N4BP2: variants seen among roughly 807,000 people sequenced by gnomAD.
N4BP2 encodes the protein NEDD4 binding protein 2.
Under a neutral mutation model 152.8 loss-of-function variants are expected in N4BP2, and 91 were observed. That is an observed-to-expected ratio of 0.60 (90% CI 0.50 to 0.71). N4BP2 has a LOEUF of 0.71. Among genes scored for constraint, N4BP2 ranks in the 30% least tolerant of loss-of-function variants. The probability of loss-of-function intolerance (pLI) is 0.00; values close to 1 mark genes in which losing one functional copy is unlikely to be tolerated. For synonymous variants in N4BP2, 646 were observed against 705.3 expected, an observed-to-expected ratio of 0.92 and a Z score of 1.33; for missense variants, 1,923 against 2,059.1, an observed-to-expected ratio of 0.93 and a Z score of 1.28.
chr4:40,062,284 T>C (rs1446043444), intron 1 of N4BP2, among the ~76,000 whole-genome samples: 1 of 152,110 alleles, frequency 6.6e-6, no homozygotes, highest in Non-Finnish European at 1.5e-5. Context: ...TTCACCGTGT[T>C]AGCCAGGATA....
At position 40,119,917 on chromosome 4, in the gene N4BP2, A is replaced by T; in HGVS notation, c.1821-15A>T. The T allele has an allele frequency of 8.0e-7, 1 of 1,243,844 alleles. No individual in the cohort carries two copies. The highest frequency in any genetic ancestry group is 1.1e-6 in the Non-Finnish European group (1 of 893,256). The allele number at this position is 1,243,844 out of a possible 1,614,324, so 77.1% of individuals were successfully genotyped here. The stretch of plus-strand genomic sequence containing the variant: ...AAGAGACTTTCTCATGATACTCTTT[A>T]AAATAATCTTACAGCCCAAGAGACG... On this transcript the variant is annotated splice_polypyrimidine_tract_variant and intron_variant, in intron 8 of 17. Coordinates refer to ENST00000261435, the MANE Select transcript of N4BP2 (RefSeq NM_018177.6).
At chr4:40,113,065 T>C (rs1207398321) in intron 6 of N4BP2, among the ~76,000 whole-genome samples, 2 of 152,228 alleles carry the variant, frequency 1.3e-5, no homozygotes, top group Non-Finnish European at 2.9e-5. Context: ...TTAGCACATG[T>C]AGAATTTAAA....
chr4:40,189,445 T>C, the N4BP2 span, among the ~76,000 whole-genome samples: 8 of 152,272 alleles, frequency 5.3e-5, no homozygotes, highest in Admixed American at 2.6e-4. The surrounding 1 kb of genome is among the most constrained non-coding windows in gnomAD (Gnocchi z 4.3). Context: ...GAGCACCAAC[T>C]TGGCCCCCGA....
At chr4:40,129,257 C>T (rs959737736) in intron 12 of N4BP2, among the ~76,000 whole-genome samples, 4 of 151,918 alleles carry the variant, frequency 2.6e-5, no homozygotes, top group African/African-American at 4.8e-5. Context: ...GACAGAGTCT[C>T]GCTGTGTTGC....
chr4:40,094,375 A>T (rs143364287), intron 2 of N4BP2, among the ~76,000 whole-genome samples: 2,871 of 151,886 alleles, frequency 0.019, 57 homozygotes, highest in Non-Finnish European at 0.023. Context: ...GGTGTTGTTG[A>T]GTTCTATATA....
rs996907964 is a variant in N4BP2 at position 40,121,952 on chromosome 4, C to T, written c.3841C>T (p.Pro1281Ser). The change falls in exon 9 of 18, where the codon CCT becomes TCT. Residue 1281 changes from proline to serine, a missense_variant. Physicochemically the swap from Pro to Ser is moderately conservative, Grantham distance 74. Transcript: ENST00000261435. Reference protein sequence around the residue: ...VTETGDNIHSPSHFSDIFNFV... With the variant: ...VTETGDNIHSSSHFSDIFNFV... ...AGAGACTGGAGACAACATACATTCT[C>T]CTTCACATTTCTCTGATATTTTTAA... 1.3e-6 allele frequency: 2 copies of T among 1,565,788 alleles called. No homozygotes were observed. The highest frequency in any genetic ancestry group is 1.4e-5 in the African/African-American group (1 of 72,424).
chr4:40,137,326 GAC>G (rs1305636506), intron 14 of N4BP2, among the ~76,000 whole-genome samples: 1 of 152,148 alleles, frequency 6.6e-6, no homozygotes, highest in African/African-American at 2.4e-5. Flanking sequence ...TGTATAGTCT[GAC>G]ACAGTAGAGT....
downstream of N4BP2, among the ~76,000 whole-genome samples, chr4:40,159,113 C>T (rs535933477): frequency 6.6e-6 from 1 of 152,312 alleles, no homozygotes; most frequent in South Asian, 2.1e-4. Context: ...GAGAAGTTAA[C>T]TGGTTTGCTG....
intron 9 of N4BP2, among the ~76,000 whole-genome samples, chr4:40,122,765 A>G (rs1718052737): frequency 6.6e-6 from 1 of 152,236 alleles, no homozygotes. Context: ...TGTACGGATG[A>G]ACCTTTTAAA....
the N4BP2 span, among the ~76,000 whole-genome samples, chr4:40,169,154 G>A: frequency 2.0e-5 from 3 of 151,974 alleles, no homozygotes; most frequent in African/African-American, 4.8e-5. Context: ...AGGCCAAGGC[G>A]GGGGGATCAT....
In N4BP2 at chr4:40,158,054, C is replaced by T. The variant is rs905661726; in HGVS notation, c.*3817C>T. On this transcript the variant is annotated 3_prime_UTR_variant, in exon 18 of 18. Transcript: ENST00000261435. ...TTCTCATTAAAATACAATATTGCAG[C>T]TATCAGTTGGAGAATATATTATAAA... The T allele has an allele frequency of 7.2e-5, 11 of 152,012 alleles. No homozygotes were observed. The highest frequency in any genetic ancestry group is 2.7e-4 in the African/African-American group (11 of 41,384). The allele number at this position is 152,012 out of a possible 1,614,324, so 9.4% of individuals were successfully genotyped here.
At chr4:40,081,301 A>C (rs546613316) in intron 2 of N4BP2, among the ~76,000 whole-genome samples, 3 of 152,294 alleles carry the variant, frequency 2.0e-5, no homozygotes, top group Admixed American at 2.0e-4. Context: ...GTCTGGGTAG[A>C]TTATATTTAG....
the N4BP2 span, among the ~76,000 whole-genome samples, chr4:40,169,044 A>G: frequency 3.3e-5 from 5 of 151,870 alleles, no homozygotes; most frequent in Non-Finnish European, 7.4e-5. Flanking sequence ...ATATTTCTAA[A>G]TGGCTACTAA....
chr4:40,145,555 T>C (rs1461134052), intron 16 of N4BP2, among the ~76,000 whole-genome samples: 1 of 152,198 alleles, frequency 6.6e-6, no homozygotes, highest in Non-Finnish European at 1.5e-5. Flanking sequence ...GTAGAAAATC[T>C]AGAAAACAGT....
intron 2 of N4BP2, among the ~76,000 whole-genome samples, chr4:40,089,116 G>A (rs997299783): frequency 6.7e-6 from 1 of 150,358 alleles, no homozygotes; most frequent in Non-Finnish European, 1.5e-5. Flanking sequence ...ATGCCTGGCT[G>A]ATTGTTTTCT....
At chr4:40,095,416 T>C (rs1210635194) in intron 2 of N4BP2, among the ~76,000 whole-genome samples, 1 of 152,230 alleles carries the variant, frequency 6.6e-6, no homozygotes, top group Non-Finnish European at 1.5e-5. Context: ...CCTTTATCAT[T>C]ACACAGTGCC....
chr4:40,079,433 T>TC (rs1316809122), intron 2 of N4BP2, among the ~76,000 whole-genome samples: 58 of 151,916 alleles, frequency 3.8e-4, no homozygotes, highest in Middle Eastern at 3.4e-3. Context: ...GTTTTTTTTT[T>TC]TTTTTGAAGT....
Position 40,120,817 on chromosome 4 carries a change from G to C in N4BP2, c.2706G>C (p.Lys902Asn). ...AQREHRSRMP[K>N]TGLSEPNLEI... is the part of the protein sequence containing the mutation. ...GGGAACACAGATCAAGAATGCCAAA[G>C]ACTGGTTTAAGTGAGCCCAACCTAG... The change falls in exon 9 of 18, where the codon AAG becomes AAC. Residue 902 changes from lysine to asparagine, a missense_variant. Coordinates refer to ENST00000261435, the MANE Select transcript of N4BP2 (RefSeq NM_018177.6). 6.2e-7 allele frequency: 1 copy of C among 1,614,154 alleles called. No individual in the cohort carries two copies. Among genetic ancestry groups the C allele is most frequent in the Non-Finnish European group, 8.5e-7 (1 of 1,180,020 alleles).
In N4BP2 at chr4:40,102,804, C is replaced by T. The variant is rs1156993249; in HGVS notation, c.959C>T (p.Pro320Leu). The change falls in exon 4 of 18, where the codon CCT (proline) becomes CTT (leucine). Residue 320 changes from proline (P) to leucine (L), a missense_variant. By Grantham distance (98) the Pro-to-Leu change is moderately conservative. Transcript: ENST00000261435. ...ACTCGGGTCTCTGATGTGTTTCTACCTTCCGAAGGGTTCAACTTCAAGCCA... is the reference window on the plus strand; with the variant it reads ...ACTCGGGTCTCTGATGTGTTTCTACTTTCCGAAGGGTTCAACTTCAAGCCA... ...KSTRVSDVFL[P>L]SEGFNFKPHK... 3 of 1,614,146 alleles carry T rather than the reference C, an allele frequency of 1.9e-6. No homozygotes were observed. Among genetic ancestry groups the T allele is most frequent in the African/African-American group, 2.7e-5 (2 of 75,024 alleles).
Sources: gnomAD v4.1 joint callset for allele counts (sites outside exome capture counted in the v4.1 genomes callset) on GRCh38, gnomAD v4.1.1 for gene constraint, Gnocchi (gnomAD v3.1) non-coding constraint, MANE v1.5 for transcripts, NCBI Gene and HGNC (gene_info 2026-07-23, HGNC 2026-07-21) for gene names.